Variants in GALNT9 observed in about 807,000 individuals in gnomAD.
The protein encoded by GALNT9 is GalNAc transferase 9.
GALNT9 carries 47 observed loss-of-function variants against 63.1 expected under a neutral mutation model. The ratio of observed to expected loss-of-function variants is 0.75; its 90% CI spans 0.59 to 0.95. The LOEUF (loss-of-function observed/expected upper bound fraction) is 0.95. GALNT9 is among the 40% of genes least tolerant of loss of function. The pLI, the probability that GALNT9 is intolerant of heterozygous loss-of-function variation, is 0.00. For synonymous variants in GALNT9, 396 were observed against 365.7 expected (o/e 1.08, Z -0.94); for missense variants, 829 against 874.8 (o/e 0.95, Z 0.66).
intron 6 of GALNT9, among the ~76,000 whole-genome samples, chr12:132,220,637 C>T (rs1877409713): frequency 6.6e-6 from 1 of 152,122 alleles, no homozygotes; most frequent in African/African-American, 2.4e-5. Flanking sequence ...CAGGGACACC[C>T]CACAGAATGG....
chr12:132,240,856 C>G (rs868972208), intron 6 of GALNT9: 3 of 388,896 alleles, frequency 7.7e-6, no homozygotes, highest in Admixed American at 2.8e-5. Flanking sequence ...CACCACACCC[C>G]CTTCCCAGGG....
chr12:132,272,207 C>A (rs956137915), intron 2 of GALNT9, among the ~76,000 whole-genome samples: 4 of 152,228 alleles, frequency 2.6e-5, no homozygotes, highest in Non-Finnish European at 4.4e-5. Context: ...TACGAGCGAG[C>A]AGAACCCTGT....
intron 1 of GALNT9, among the ~76,000 whole-genome samples, chr12:132,297,856 T>C (rs1881131639): frequency 6.6e-6 from 1 of 150,702 alleles, no homozygotes; most frequent in South Asian, 2.1e-4. Flanking sequence ...GAAAACCAAC[T>C]CCCAAGATTA....
chr12:132,198,437 G>GCTGGGGCTGGGGCTGGGC (rs1555232979), intron 9 of GALNT9, among the ~76,000 whole-genome samples: 2 of 151,288 alleles, frequency 1.3e-5, no homozygotes, highest in East Asian at 3.9e-4. Context: ...CGGGGCTGGG[G>GCTGGGGCTGGGGCTGGGC]CTGGGGCTGG....
chr12:132,251,634 G>A (rs1391009034), intron 5 of GALNT9, among the ~76,000 whole-genome samples: 5 of 152,234 alleles, frequency 3.3e-5, no homozygotes, highest in East Asian at 3.9e-4. Flanking sequence ...TCGGGTGAAG[G>A]AGAAAATCAG....
intron 5 of GALNT9, among the ~76,000 whole-genome samples, chr12:132,253,625 G>A (rs1555238781): frequency 1.3e-5 from 2 of 152,188 alleles, no homozygotes; most frequent in African/African-American, 4.8e-5. Context: ...TATCTGACTT[G>A]TATTATGATT....
Position 132,196,846 on chromosome 12 carries a change from A to C in GALNT9, c.*261T>G. 7.7e-7 allele frequency: 1 copy of C among 1,294,188 alleles called. No homozygotes were observed. Among genetic ancestry groups the C allele is most frequent in the Non-Finnish European group, 9.8e-7 (1 of 1,016,250 alleles). The allele number at this position is 1,294,188 out of a possible 1,614,324, so 80.2% of individuals were successfully genotyped here. A position where few individuals can be genotyped will look rare whatever the true frequency, so the allele number is the denominator to read the frequency against. ...AGCCTGGCCAGGAGATACCGTGGAGAAGGCACGTGTTTGAGTTGGCATCAC... is the reference window on the plus strand; with the variant it reads ...AGCCTGGCCAGGAGATACCGTGGAGCAGGCACGTGTTTGAGTTGGCATCAC... On this transcript the variant is annotated 3_prime_UTR_variant, in exon 11 of 11. Coordinates refer to ENST00000328957, the MANE Select transcript of GALNT9 (RefSeq NM_001122636.2).
chr12:132,259,677 C>G (rs1048194384), intron 4 of GALNT9, among the ~76,000 whole-genome samples: 1 of 152,122 alleles, frequency 6.6e-6, no homozygotes, highest in East Asian at 1.9e-4. Flanking sequence ...CCAGGTTCCC[C>G]GGGGACCCAG....
At chr12:132,247,132 G>A (rs782662784) in intron 6 of GALNT9, among the ~76,000 whole-genome samples, 3 of 151,284 alleles carry the variant, frequency 2.0e-5, no homozygotes, top group Non-Finnish European at 4.4e-5. Flanking sequence ...GCCCGGCCGA[G>A]CTCAGAGCCT....
intron 9 of GALNT9, 67 bp from the exon 10 acceptor site, chr12:132,198,026 G>T: frequency 7.5e-7 from 1 of 1,334,828 alleles, no homozygotes; most frequent in Non-Finnish European, 1.0e-6. Flanking sequence ...GCACTGACAG[G>T]CCGTGCGAGC....
chr12:132,213,378 A>G (rs1289745849), intron 6 of GALNT9, among the ~76,000 whole-genome samples: 2 of 152,176 alleles, frequency 1.3e-5, no homozygotes, highest in African/African-American at 4.8e-5. Flanking sequence ...ATTTCTTCAC[A>G]CACACACATG....
At chr12:132,229,975 G>A (rs1877831284) in intron 6 of GALNT9, among the ~76,000 whole-genome samples, 1 of 152,196 alleles carries the variant, frequency 6.6e-6, no homozygotes, top group Admixed American at 6.5e-5. Context: ...CACAAAGAAT[G>A]CACATTCCCG....
At chr12:132,258,207 G>C (rs556294540) in intron 4 of GALNT9, among the ~76,000 whole-genome samples, 22 of 152,282 alleles carry the variant, frequency 1.4e-4, no homozygotes, top group African/African-American at 4.3e-4. Context: ...GGTCAGCTAT[G>C]TCCACCACGG....
chr12:132,213,719 G>A (rs1877066916), intron 6 of GALNT9, among the ~76,000 whole-genome samples: 1 of 152,266 alleles, frequency 6.6e-6, no homozygotes, highest in Non-Finnish European at 1.5e-5. Context: ...GAGGAGGGGT[G>A]TTCAGGGGAC....
In GALNT9 at chr12:132,282,476, G is replaced by C. The variant is rs66719009; in HGVS notation, c.419+3774C>G. Among the ~76,000 whole-genome samples the C allele has an allele frequency of 0.1, 15,308 of 152,304 alleles. 2,063 individuals carry two copies. The highest frequency in any genetic ancestry group is 0.31 in the African/African-American group (12,670 of 41,536). On this transcript the variant is annotated intron_variant, in intron 2 of 10. Transcript: ENST00000328957. The surrounding 1 kb of genome is among the most constrained non-coding windows in gnomAD (Gnocchi z 4.5). The stretch of plus-strand genomic sequence containing the variant: ...GTGCATGTGTGTGTGCACGCATGTG[G>C]TAATTTATTGCAAAGTCAAGTGGGT...
rs1277677509 is a variant in GALNT9, at chr12:132,329,491, G to T, written c.-288C>A. 3.5e-4 allele frequency: 56 copies of T among 161,188 alleles called. 1 individual carries two copies. In the East Asian group the frequency reaches 9.4e-3, roughly 27 times the overall value. 10.0% of individuals were successfully genotyped at this position (161,188 alleles called of 1,614,324 possible). A position where few individuals can be genotyped will look rare whatever the true frequency, so the allele number is the denominator to read the frequency against. The stretch of plus-strand genomic sequence containing the variant: ...GGGAGCGGTGAGGGGGGCCGGGGGC[G>T]CCGGGGGGCGGCGGGGAAGGCGCGG... On this transcript the variant is annotated 5_prime_UTR_variant, in exon 1 of 11. Coordinates refer to ENST00000328957, the MANE Select transcript of GALNT9 (RefSeq NM_001122636.2).
chr12:132,291,166 G>C (rs1308769686), intron 1 of GALNT9, among the ~76,000 whole-genome samples: 2 of 42,450 alleles, frequency 4.7e-5, no homozygotes, highest in Non-Finnish European at 8.0e-5. Flanking sequence ...CACGTCCACA[G>C]CACCCACAAC....
chr12:132,263,175 T>C (rs1879469883), intron 2 of GALNT9, among the ~76,000 whole-genome samples: 1 of 152,180 alleles, frequency 6.6e-6, no homozygotes, highest in Non-Finnish European at 1.5e-5. Context: ...AGGCAGCCAC[T>C]TCCCGCCCTG....
At chr12:132,228,347 A>C in intron 6 of GALNT9, among the ~76,000 whole-genome samples, 1 of 138,834 alleles carries the variant, frequency 7.2e-6, no homozygotes, top group South Asian at 2.4e-4. Flanking sequence ...GCCCGTCAGC[A>C]CCTCCTCGCT....
Sources: gnomAD v4.1 joint callset for allele counts (sites outside exome capture counted in the v4.1 genomes callset) on GRCh38, gnomAD v4.1.1 for gene constraint, Gnocchi (gnomAD v3.1) non-coding constraint, MANE v1.5 for transcripts, NCBI Gene and HGNC (gene_info 2026-07-23, HGNC 2026-07-21) for gene names.